NR3C1: variants seen among roughly 807,000 people sequenced by gnomAD.
NR3C1 encodes glucocorticoid receptor.
Under a neutral mutation model 74.0 loss-of-function variants are expected in NR3C1, and 14 were observed. The ratio of observed to expected loss-of-function variants is 0.19; its 90% CI spans 0.12 to 0.30. The LOEUF (loss-of-function observed/expected upper bound fraction) is 0.30, where lower values mean the gene tolerates loss of function less well. Among genes scored for constraint, NR3C1 ranks in the 10% least tolerant of loss-of-function variants. The pLI, the probability that NR3C1 is intolerant of heterozygous loss-of-function variation, is 1.00. For missense variants in NR3C1, 695 were observed against 909.8 expected (o/e 0.76, Z 3.04); for synonymous variants, 308 against 332.5 (o/e 0.93, Z 0.80).
intron 2 of NR3C1, among the ~76,000 whole-genome samples, chr5:143,393,099 C>G (rs1340252427): frequency 6.6e-6 from 1 of 152,138 alleles, no homozygotes; most frequent in Non-Finnish European, 1.5e-5. Flanking sequence ...ACATAGAAAA[C>G]AAGCTCTGAG....
At chr5:143,368,552 C>T (rs1833680132) in intron 2 of NR3C1, among the ~76,000 whole-genome samples, 1 of 151,772 alleles carries the variant, frequency 6.6e-6, no homozygotes, top group South Asian at 2.1e-4. Context: ...CACACACACA[C>T]ACACACACAC....
In NR3C1 at chr5:143,300,900, T is replaced by G. The variant is rs1027014243; in HGVS notation, c.1469-137A>C. ...ATTTTATTTAGCAATTATGATAAAG[T>G]GACATGGAAAAGGAGAAAAAACTTT... is the stretch of plus-strand genomic sequence containing the variant. On this transcript the variant is annotated intron_variant, in intron 4 of 8. Transcript: ENST00000394464. This position sits in a 1 kb window ranked among gnomAD's most constrained non-coding sequence, Gnocchi z 5.2. The G allele has an allele frequency of 9.8e-7, 1 of 1,022,222 alleles. No homozygotes were observed. Among genetic ancestry groups the G allele is most frequent in the East Asian group, 2.6e-5 (1 of 37,890 alleles). The allele number at this position is 1,022,222 out of a possible 1,614,324, so 63.3% of individuals were successfully genotyped here. A position where few individuals can be genotyped will look rare whatever the true frequency, so the allele number is the denominator to read the frequency against.
chr5:143,371,108 G>A (rs1834155882), intron 2 of NR3C1, among the ~76,000 whole-genome samples: 1 of 152,022 alleles, frequency 6.6e-6, no homozygotes, highest in Non-Finnish European at 1.5e-5. Flanking sequence ...CCAGAAAAGG[G>A]GGAAATTTTG....
intron 2 of NR3C1, among the ~76,000 whole-genome samples, chr5:143,379,798 T>C (rs1440752021): frequency 6.6e-6 from 1 of 152,214 alleles, no homozygotes; most frequent in Non-Finnish European, 1.5e-5. Context: ...ACCAGCCAAC[T>C]GACAGCAGAT....
At chr5:143,427,320 G>A (rs1038948633) in intron 1 of NR3C1, among the ~76,000 whole-genome samples, 2 of 152,166 alleles carry the variant, frequency 1.3e-5, no homozygotes, top group African/African-American at 2.4e-5. Context: ...GTCTTAGTAT[G>A]TGGGAATGAT....
At chr5:143,375,539 A>G (rs759116990) in intron 2 of NR3C1, 26 of 152,246 alleles carry the variant, frequency 1.7e-4, no homozygotes, top group Non-Finnish European at 3.4e-4. Context: ...AAGAGACATA[A>G]TTCGTATGTA....
chr5:143,400,880 G>A (rs941762046), intron 1 of NR3C1, 28 bp from the exon 2 acceptor site: 3 of 1,526,760 alleles, frequency 2.0e-6, no homozygotes, highest in East Asian at 2.3e-5. Flanking sequence ...AAAACGGGGG[G>A]AAAACATCAT....
intron 2 of NR3C1, among the ~76,000 whole-genome samples, chr5:143,325,599 AT>A (rs1824412717): frequency 6.6e-6 from 1 of 152,210 alleles, no homozygotes; most frequent in African/African-American, 2.4e-5. Flanking sequence ...ATGCTGGAAT[AT>A]TGTTACAATT....
At chr5:143,379,411 T>A (rs954244011) in intron 2 of NR3C1, among the ~76,000 whole-genome samples, 1 of 152,170 alleles carries the variant, frequency 6.6e-6, no homozygotes, top group African/African-American at 2.4e-5. Context: ...ATTCCAAGAT[T>A]TTATCCTTCT....
intron 2 of NR3C1, among the ~76,000 whole-genome samples, chr5:143,372,453 C>T (rs1405834796): frequency 1.3e-5 from 2 of 152,210 alleles, no homozygotes; most frequent in Non-Finnish European, 2.9e-5. Context: ...GAATGATTCA[C>T]ATCCCAGGTG....
At chr5:143,290,117 C>A (rs922592768) in intron 7 of NR3C1, among the ~76,000 whole-genome samples, 1 of 152,142 alleles carries the variant, frequency 6.6e-6, no homozygotes, top group East Asian at 1.9e-4. Flanking sequence ...TATATATTTA[C>A]AATTATTTTT....
intron 2 of NR3C1, among the ~76,000 whole-genome samples, chr5:143,323,632 C>A (rs1177687225): frequency 6.6e-6 from 1 of 152,124 alleles, no homozygotes; most frequent in Admixed American, 6.5e-5. Context: ...TCCCAATAGT[C>A]CCCCAAAGTC....
upstream of NR3C1, among the ~76,000 whole-genome samples, chr5:143,407,764 T>G (rs1045834201): frequency 6.6e-6 from 1 of 152,188 alleles, no homozygotes; most frequent in African/African-American, 2.4e-5. Flanking sequence ...TTTTGTCATC[T>G]CCATTCCCAC....
At chr5:143,354,137 C>A (rs1384817894) in intron 2 of NR3C1, among the ~76,000 whole-genome samples, 1 of 152,216 alleles carries the variant, frequency 6.6e-6, no homozygotes, top group Non-Finnish European at 1.5e-5. Flanking sequence ...CTCTCACAGC[C>A]TTCATAGAAT....
intron 2 of NR3C1, among the ~76,000 whole-genome samples, chr5:143,372,834 A>G (rs1199142173): frequency 6.6e-6 from 1 of 152,226 alleles, no homozygotes; most frequent in East Asian, 1.9e-4. Flanking sequence ...CTACACATGC[A>G]TAATTTAACA....
rs199562169 is a variant in NR3C1, at chr5:143,304,100, T to A, written c.1469-3337A>T. ...AGGTAAGAGAAAGAGATAAAAGGCTTCCAAATAGGAAAATAAATAATCAAA... is the reference window on the plus strand; with the variant it reads ...AGGTAAGAGAAAGAGATAAAAGGCTACCAAATAGGAAAATAAATAATCAAA... On this transcript the variant is annotated intron_variant, in intron 4 of 8. Coordinates refer to ENST00000394464, the MANE Select transcript of NR3C1 (RefSeq NM_000176.3). Among the ~76,000 whole-genome samples the A allele has an allele frequency of 5.9e-5, 9 of 152,114 alleles. No individual in the cohort carries two copies. In the East Asian group the frequency reaches 1.5e-3, roughly 26 times the overall value.
At chr5:143,369,398 G>A (rs1833859114) in intron 2 of NR3C1, among the ~76,000 whole-genome samples, 1 of 152,164 alleles carries the variant, frequency 6.6e-6, no homozygotes, top group Non-Finnish European at 1.5e-5. Flanking sequence ...GTATATGAAT[G>A]TTCTTAACAG....
intron 2 of NR3C1, among the ~76,000 whole-genome samples, chr5:143,332,223 C>T (rs929484712): frequency 6.6e-6 from 1 of 151,782 alleles, no homozygotes; most frequent in African/African-American, 2.4e-5. Flanking sequence ...CAATATATCA[C>T]AACACAGACT....
At chr5:143,401,279 T>A (rs10482619) in intron 1 of NR3C1, 4 of 233,696 alleles carry the variant, frequency 1.7e-5, no homozygotes, top group Non-Finnish European at 3.4e-5. Context: ...CACGGCTGTT[T>A]GCTTTTCTGA....
Sources: allele counts gnomAD v4.1 joint callset (sites outside exome capture counted in the v4.1 genomes callset), GRCh38; gene constraint gnomAD v4.1.1; non-coding constraint Gnocchi (gnomAD v3.1); transcripts MANE v1.5; gene names NCBI Gene and HGNC (gene_info 2026-07-23, HGNC 2026-07-21).